The following RAPGEF6 variants were observed in gnomAD, a reference collection of about 807,000 sequenced individuals.
RAPGEF6 encodes the protein Rap guanine nucleotide exchange factor 6, also known as PDZ domain containing guanine nucleotide exchange factor (GEF) 2.
RAPGEF6 carries 56 observed loss-of-function variants against 171.4 expected under a neutral mutation model. The observed-to-expected ratio is 0.33, with a 90% CI of 0.26 to 0.41. RAPGEF6 has a LOEUF of 0.41. Among genes scored for constraint, RAPGEF6 ranks in the 10% least tolerant of loss-of-function variants. The pLI, the probability that RAPGEF6 is intolerant of heterozygous loss-of-function variation, is 1.00. For synonymous variants in RAPGEF6, 692 were observed against 650.1 expected (o/e 1.06, Z -0.98); for missense variants, 1,674 against 1,921.4 (o/e 0.87, Z 2.41).
chr5:131,614,009 C>T (rs1765108526), intron 1 of RAPGEF6, among the ~76,000 whole-genome samples: 1 of 152,058 alleles, frequency 6.6e-6, no homozygotes, highest in Admixed American at 6.6e-5. Context: ...CGGCTGGACA[C>T]AGTGGCTCAC....
chr5:131,570,611 T>C (rs1000120165), intron 4 of RAPGEF6, among the ~76,000 whole-genome samples: 10 of 152,170 alleles, frequency 6.6e-5, no homozygotes, highest in Non-Finnish European at 1.0e-4. Context: ...ATTTAAAAAA[T>C]GGACATGCTA....
At chr5:131,440,186 C>A (rs1580825718) in intron 23 of RAPGEF6, 1 of 455,810 alleles carries the variant, frequency 2.2e-6, no homozygotes, top group African/African-American at 2.0e-5. Context: ...GAAGAGGCTG[C>A]AGGGCTGCCA....
chr5:131,606,030 A>C (rs1764543177), intron 1 of RAPGEF6, among the ~76,000 whole-genome samples: 3 of 75,414 alleles, frequency 4.0e-5, no homozygotes, highest in African/African-American at 2.2e-4. Flanking sequence ...ACTCCATCTC[A>C]AAAAAAAAAA....
intron 1 of RAPGEF6, among the ~76,000 whole-genome samples, chr5:131,613,437 C>T (rs1765066002): frequency 7.1e-6 from 1 of 141,118 alleles, no homozygotes; most frequent in Admixed American, 7.3e-5. Context: ...GACTCTCTCT[C>T]TCTCTTCATA....
intron 4 of RAPGEF6, among the ~76,000 whole-genome samples, chr5:131,582,172 C>A (rs1763007214): frequency 6.6e-6 from 1 of 152,172 alleles, no homozygotes; most frequent in African/African-American, 2.4e-5. Flanking sequence ...TATATGGATG[C>A]AGGTAACACA....
chr5:131,437,999 C>G (rs1487441676), intron 24 of RAPGEF6, among the ~76,000 whole-genome samples: 1 of 151,788 alleles, frequency 6.6e-6, no homozygotes, highest in Non-Finnish European at 1.5e-5. Context: ...AATTCTGCAT[C>G]CAATTCTTTC....
intron 17 of RAPGEF6, chr5:131,469,664 T>C (rs1005608445): frequency 3.5e-6 from 2 of 578,644 alleles, no homozygotes; most frequent in African/African-American, 1.9e-5. Context: ...TGCCAGTTAA[T>C]ACTGGCTACC....
chr5:131,627,495 T>C (rs1187350734), intron 1 of RAPGEF6, among the ~76,000 whole-genome samples: 1 of 152,212 alleles, frequency 6.6e-6, no homozygotes, highest in Non-Finnish European at 1.5e-5. Flanking sequence ...AATCATGGCA[T>C]TAAGCACTGA....
chr5:131,617,141 C>T (rs1187716954), intron 1 of RAPGEF6, among the ~76,000 whole-genome samples: 1 of 152,174 alleles, frequency 6.6e-6, no homozygotes, highest in Non-Finnish European at 1.5e-5. Context: ...ATTTGGAAGG[C>T]AGTCTAACAA....
intron 6 of RAPGEF6, among the ~76,000 whole-genome samples, chr5:131,543,167 T>A (rs1399850395): frequency 1.3e-5 from 2 of 152,124 alleles, no homozygotes; most frequent in African/African-American, 4.8e-5. Context: ...ACAAGTGACA[T>A]TGTTAGAGCT....
Position 131,424,999 on chromosome 5 carries a change from T to C in RAPGEF6, c.*2267A>G, listed in dbSNP as rs1751334671. ...CTAAGAGAAGGCAGGAATGTACCCT[T>C]AGTTAAAATATAAAAATCAAAACCT... On this transcript the variant is annotated 3_prime_UTR_variant, in exon 28 of 28. Transcript: ENST00000509018. The C allele has an allele frequency of 6.6e-6, 1 of 152,380 alleles. No homozygotes were observed. Among genetic ancestry groups the C allele is most frequent in the African/African-American group, 2.4e-5 (1 of 41,472 alleles). The allele number at this position is 152,380 out of a possible 1,614,324, so 9.4% of individuals were successfully genotyped here.
chr5:131,481,639 C>A (rs1220119095), intron 15 of RAPGEF6, among the ~76,000 whole-genome samples: 1 of 152,142 alleles, frequency 6.6e-6, no homozygotes, highest in Non-Finnish European at 1.5e-5. Context: ...TTTGCCTACA[C>A]CAAATTTTTG....
At chr5:131,521,247 C>T in intron 7 of RAPGEF6, 143 bp downstream of exon 7, 1 of 720,344 alleles carries the variant, frequency 1.4e-6, no homozygotes, top group South Asian at 3.5e-5. Flanking sequence ...AAATTTGACA[C>T]AGTATATAAA....
In RAPGEF6 at chr5:131,424,845, A is replaced by T. The variant is rs572175816; in HGVS notation, c.*2421T>A. The T allele has an allele frequency of 2.0e-5, 3 of 152,458 alleles. No individual in the cohort carries two copies. Among genetic ancestry groups the T allele is most frequent in the African/African-American group, 7.2e-5 (3 of 41,570 alleles). 9.4% of individuals were successfully genotyped at this position (152,458 alleles called of 1,614,324 possible). A position where few individuals can be genotyped will look rare whatever the true frequency, so the allele number is the denominator to read the frequency against. On this transcript the variant is annotated 3_prime_UTR_variant, in exon 28 of 28. Coordinates refer to ENST00000509018, the MANE Select transcript of RAPGEF6 (RefSeq NM_016340.6). ...GCTTCAACAGTCTTGGCAGATTGAG[A>T]GTTGTGGCAGGAAGAGAGGGCACTA...
At chr5:131,596,108 C>T (rs1452658902) in intron 3 of RAPGEF6, among the ~76,000 whole-genome samples, 2 of 149,874 alleles carry the variant, frequency 1.3e-5, no homozygotes, top group Non-Finnish European at 3.0e-5. Flanking sequence ...GAGCCAAGGT[C>T]GCACCACTGT....
intron 23 of RAPGEF6, chr5:131,439,942 A>G: frequency 1.4e-5 from 10 of 707,454 alleles, no homozygotes; most frequent in Non-Finnish European, 2.2e-5. Flanking sequence ...AGATTATATT[A>G]GTTTGTCTGC....
intron 11 of RAPGEF6, among the ~76,000 whole-genome samples, chr5:131,501,458 T>A (rs1580926964): frequency 6.6e-6 from 1 of 152,066 alleles, no homozygotes; most frequent in Non-Finnish European, 1.5e-5. Flanking sequence ...AATATTTATG[T>A]CACAAAAGCA....
In RAPGEF6 at chr5:131,461,818, T is replaced by A; in HGVS notation, c.2751A>T (p.Glu917Asp). 6.2e-7 allele frequency: 1 copy of A among 1,613,912 alleles called. No individual in the cohort carries two copies. Among genetic ancestry groups the A allele is most frequent in the Non-Finnish European group, 8.5e-7 (1 of 1,179,802 alleles). The change falls in exon 19 of 28, where the codon GAA (glutamate) becomes GAT (aspartate). Residue 917 changes from glutamate to aspartate, a missense_variant. Around this residue, in one of 3 missense-constraint regions of RAPGEF6, gnomAD observed 1,116 missense variants for 1,321.5 expected, o/e 0.84. Transcript: ENST00000509018. ...TGAGCTGATTTGCTTCAGTTAAAAT[T>A]TCTGAGGCAACCCAGAATGTCTCTT... ...VNQETFWVAS[E>D]ILTEANQLKR...
intron 15 of RAPGEF6, among the ~76,000 whole-genome samples, chr5:131,487,372 T>G (rs962105492): frequency 6.6e-6 from 1 of 152,048 alleles, no homozygotes; most frequent in Admixed American, 6.5e-5. Context: ...CAGCTTTTAT[T>G]CCCTTATTTG....
Sources: gnomAD v4.1 joint callset for allele counts (sites outside exome capture counted in the v4.1 genomes callset) on GRCh38, gnomAD v4.1.1 for gene constraint, gnomAD v4.1.1 regional missense constraint, MANE v1.5 for transcripts, NCBI Gene and HGNC (gene_info 2026-07-23, HGNC 2026-07-21) for gene names.